The following ZC3H7A variants were observed in gnomAD, a reference collection of about 807,000 sequenced individuals.
ZC3H7A encodes zinc finger CCCH domain-containing protein 7A.
Under a neutral mutation model 125.5 loss-of-function variants are expected in ZC3H7A, and 44 were observed. The ratio of observed to expected loss-of-function variants is 0.35; its 90% confidence interval spans 0.28 to 0.45. The LOEUF (loss-of-function observed/expected upper bound fraction) is 0.45, where lower values mean the gene tolerates loss of function less well. Ranked by LOEUF, ZC3H7A falls within the 20% of genes least tolerant of loss-of-function variation. The pLI is 1.00. For synonymous variants in ZC3H7A, 399 were observed against 391.2 expected (o/e 1.02, Z -0.23); for missense variants, 977 against 1,170.7 (o/e 0.83, Z 2.41).
At chr16:11,760,138 A>G (rs12149892) in intron 19 of ZC3H7A, among the ~76,000 whole-genome samples, 15,756 of 145,812 alleles carry the variant, frequency 0.11, 937 homozygotes, top group Non-Finnish European at 0.17. Context: ...AAAAAAAAAA[A>G]AAAAAAAGAA....
At chr16:11,764,939 T>C in intron 15 of ZC3H7A, 114 bp downstream of exon 15, 1 of 674,106 alleles carries the variant, frequency 1.5e-6, no homozygotes, top group Non-Finnish European at 2.4e-6. Flanking sequence ...TTCTTCAAAA[T>C]AACAACATAA....
At chr16:11,777,330 T>A (rs949264946) in intron 4 of ZC3H7A, among the ~76,000 whole-genome samples, 35 of 152,142 alleles carry the variant, frequency 2.3e-4, no homozygotes, top group Non-Finnish European at 8.8e-5. Context: ...ACAAAATAAA[T>A]AAACAATGAA....
chr16:11,760,531 A>G (rs2052736341), intron 19 of ZC3H7A, among the ~76,000 whole-genome samples: 1 of 152,210 alleles, frequency 6.6e-6, no homozygotes, highest in Non-Finnish European at 1.5e-5. Flanking sequence ...TGAAAAATAC[A>G]TCTACCTCTT....
At chr16:11,780,900 C>A (rs1029505344) in intron 3 of ZC3H7A, among the ~76,000 whole-genome samples, 2 of 152,160 alleles carry the variant, frequency 1.3e-5, no homozygotes, top group African/African-American at 4.8e-5. Flanking sequence ...ATCCAGTCCC[C>A]CTTAGCTGCT....
intron 16 of ZC3H7A, 171 bp downstream of exon 16, chr16:11,763,307 C>A: frequency 2.0e-6 from 1 of 503,510 alleles, no homozygotes; most frequent in East Asian, 3.6e-5. Flanking sequence ...GGGGATTTTG[C>A]CGTACTGGCC....
chr16:11,796,428 G>C lies in ZC3H7A; in HGVS notation c.-35+696C>G, dbSNP rs1239329428. 3 of 152,354 alleles carry C rather than the reference G, an allele frequency of 2.0e-5. No homozygotes were observed. The East Asian group carries it at 5.8e-4, about 30-fold the overall frequency. The allele number at this position is 152,354 out of a possible 1,614,324, so 9.4% of individuals were successfully genotyped here. A position where few individuals can be genotyped will look rare whatever the true frequency, so the allele number is the denominator to read the frequency against. ...CTCCTTTTCATCCCTAGACAGGTGG[G>C]GACAGGAAAATACCCAACTCCTGGC... On this transcript the variant is annotated intron_variant, in intron 1 of 22. Coordinates refer to ENST00000355758, the MANE Select transcript of ZC3H7A (RefSeq NM_014153.4).
intron 10 of ZC3H7A, among the ~76,000 whole-genome samples, chr16:11,770,384 T>C (rs1194081308): frequency 6.6e-6 from 1 of 152,210 alleles, no homozygotes; most frequent in Non-Finnish European, 1.5e-5. Context: ...CACATCTGAT[T>C]GCTAGCATTC....
chr16:11,786,065 T>C (rs2053252824), intron 1 of ZC3H7A, among the ~76,000 whole-genome samples: 1 of 152,186 alleles, frequency 6.6e-6, no homozygotes, highest in Non-Finnish European at 1.5e-5. Context: ...GTCTTTTCAA[T>C]CTATGTGTTC....
intron 4 of ZC3H7A, among the ~76,000 whole-genome samples, chr16:11,778,907 T>A (rs2141205281): frequency 6.6e-6 from 1 of 151,748 alleles, no homozygotes; most frequent in South Asian, 2.1e-4. Context: ...AGAGACGGGG[T>A]TTCACCATAT....
chr16:11,780,808 C>T (rs1315048530), intron 3 of ZC3H7A, among the ~76,000 whole-genome samples: 4 of 152,134 alleles, frequency 2.6e-5, no homozygotes, highest in Admixed American at 6.6e-5. Context: ...TTAGTAGAGA[C>T]AAGAGTCTGC....
chr16:11,774,859 A>G, intron 8 of ZC3H7A, 121 bp downstream of exon 8: 1 of 1,189,534 alleles, frequency 8.4e-7, no homozygotes, highest in Non-Finnish European at 1.2e-6. Context: ...TCACTTTCAT[A>G]TTAATACATT....
intron 1 of ZC3H7A, 53 bp from the exon 2 acceptor site, chr16:11,782,441 C>A: frequency 7.0e-7 from 1 of 1,433,446 alleles, no homozygotes; most frequent in Middle Eastern, 1.7e-4. Flanking sequence ...CCCTGGACTC[C>A]AATGAAAACA....
chr16:11,782,169 TA>T, intron 2 of ZC3H7A, 117 bp downstream of exon 2: 1 of 1,108,614 alleles, frequency 9.0e-7, no homozygotes, highest in Non-Finnish European at 1.3e-6. Context: ...ATGGAGTTTC[TA>T]ACCCAAATTA....
chr16:11,756,186 G>C, intron 21 of ZC3H7A, 51 bp downstream of exon 21: 1 of 1,574,232 alleles, frequency 6.4e-7, no homozygotes, highest in Non-Finnish European at 8.6e-7. Context: ...GGAAAAGAAA[G>C]GCTCCATCAA....
intron 1 of ZC3H7A, among the ~76,000 whole-genome samples, chr16:11,792,278 G>A (rs1163090724): frequency 1.3e-5 from 2 of 152,144 alleles, no homozygotes; most frequent in Non-Finnish European, 2.9e-5. Flanking sequence ...TAAATTAACT[G>A]AACTCTTACA....
rs141923524 is a variant in ZC3H7A, at chr16:11,791,538, G to C, written c.-35+5586C>G. The stretch of plus-strand genomic sequence containing the variant: ...TTCTCATGCTTCATTGTAAGAACAA[G>C]ATCTGGGTCCAGCTCAACAAATACT... On this transcript the variant is annotated intron_variant, in intron 1 of 22. Coordinates refer to ENST00000355758, the MANE Select transcript of ZC3H7A (RefSeq NM_014153.4). 3.8e-3 allele frequency among the ~76,000 whole-genome samples: 574 copies of C among 152,304 alleles called. 6 individuals are homozygous for C. The highest frequency in any genetic ancestry group is 0.013 in the African/African-American group (546 of 41,560).
At position 11,785,203 on chromosome 16, in the gene ZC3H7A, G is replaced by C. The variant is rs143579992; in HGVS notation, c.-34-2815C>G. On this transcript the variant is annotated intron_variant, in intron 1 of 22. Coordinates refer to ENST00000355758, the MANE Select transcript of ZC3H7A (RefSeq NM_014153.4). ...AAATAACAAAGATTAGCCAGGCATG[G>C]TGGCATGCACCTGTAGTCCCAGCTA... Among the ~76,000 whole-genome samples, 48 of 152,114 alleles carry C rather than the reference G, an allele frequency of 3.2e-4. 1 individual carries two copies. The East Asian group carries it at 8.2e-3, about 26-fold the overall frequency.
rs1319714674 is a variant in ZC3H7A at position 11,765,372 on chromosome 16, TATAA to T, written c.1719+113_1719+116del. 3 of 675,530 alleles carry T rather than the reference TATAA, an allele frequency of 4.4e-6. No individual in the cohort carries two copies. Among genetic ancestry groups the T allele is most frequent in the Non-Finnish European group, 6.8e-6 (3 of 439,472 alleles). 41.8% of individuals were successfully genotyped at this position (675,530 alleles called of 1,614,324 possible). A position where few individuals can be genotyped will look rare whatever the true frequency, so the allele number is the denominator to read the frequency against. ...TTCATAAATATGATATTATTTATCATATAAATAAATGAATATTTATTCATTTACC... is the reference window on the plus strand; with the variant it reads ...TTCATAAATATGATATTATTTATCATATAAATGAATATTTATTCATTTACC... On this transcript the variant is annotated intron_variant, in intron 14 of 22. Transcript: ENST00000355758. This position sits in a 1 kb window ranked among gnomAD's most constrained non-coding sequence, Gnocchi z 4.8.
intron 21 of ZC3H7A, among the ~76,000 whole-genome samples, 166 bp downstream of exon 21, chr16:11,756,071 G>A (rs1339253621): frequency 2.6e-5 from 4 of 152,274 alleles, no homozygotes; most frequent in Non-Finnish European, 5.9e-5. Context: ...GCTGAGGCAA[G>A]AGAATTGCTT....
Sources: gnomAD v4.1 joint callset for allele counts (sites outside exome capture counted in the v4.1 genomes callset) on GRCh38, gnomAD v4.1.1 for gene constraint, Gnocchi (gnomAD v3.1) non-coding constraint, MANE v1.5 for transcripts, NCBI Gene and HGNC (gene_info 2026-07-23, HGNC 2026-07-21) for gene names.